GALNT13: variants seen among roughly 807,000 people sequenced by gnomAD.
The protein encoded by GALNT13 is UDP-GalNAc:polypeptide N-acetylgalactosaminyltransferase 13.
In GALNT13, 28 loss-of-function variants were observed where a neutral mutation model predicts 64.2. The ratio of observed to expected loss-of-function variants is 0.44; its 90% CI spans 0.32 to 0.60. The LOEUF (loss-of-function observed/expected upper bound fraction) is 0.60. Ranked by LOEUF, GALNT13 falls within the 20% of genes least tolerant of loss-of-function variation. The probability of loss-of-function intolerance (pLI) is 0.05; values close to 1 mark genes in which losing one functional copy is unlikely to be tolerated. For missense variants in GALNT13, 577 were observed against 669.8 expected, an observed-to-expected ratio of 0.86 and a Z score of 1.53; for synonymous variants, 214 against 224.6, an observed-to-expected ratio of 0.95 and a Z score of 0.42.
chr2:153,406,884 A>G, the GALNT13 span, among the ~76,000 whole-genome samples: 2 of 152,178 alleles, frequency 1.3e-5, no homozygotes, highest in Non-Finnish European at 2.9e-5. Flanking sequence ...AACATTCTAA[A>G]CTGTTTTCAC....
the GALNT13 span, among the ~76,000 whole-genome samples, chr2:153,286,282 T>C: frequency 6.6e-6 from 1 of 152,184 alleles, no homozygotes; most frequent in Non-Finnish European, 1.5e-5. Context: ...AGTTTATACT[T>C]GTTTTTGTTT....
the GALNT13 span, among the ~76,000 whole-genome samples, chr2:153,507,442 A>G: frequency 6.6e-6 from 1 of 151,896 alleles, no homozygotes; most frequent in Non-Finnish European, 1.5e-5. Flanking sequence ...CACGATGCAC[A>G]GCTAAGTTTT....
the GALNT13 span, among the ~76,000 whole-genome samples, chr2:153,280,165 A>G: frequency 6.6e-6 from 1 of 152,142 alleles, no homozygotes; most frequent in African/African-American, 2.4e-5. Flanking sequence ...AGGTATGTAC[A>G]TAATAGTCTC....
chr2:153,123,661 T>C, the GALNT13 span, among the ~76,000 whole-genome samples: 5 of 152,218 alleles, frequency 3.3e-5, no homozygotes, highest in African/African-American at 4.8e-5. Flanking sequence ...CTACATAGGA[T>C]ATAATGATAA....
At chr2:153,262,492 C>T in the GALNT13 span, among the ~76,000 whole-genome samples, 1 of 151,970 alleles carries the variant, frequency 6.6e-6, no homozygotes, top group African/African-American at 2.4e-5. Context: ...AGAAATACAA[C>T]AAAAAAGGAA....
At chr2:153,948,458 A>G (rs1016823078) in intron 3 of GALNT13, among the ~76,000 whole-genome samples, 2 of 152,114 alleles carry the variant, frequency 1.3e-5, no homozygotes, top group Admixed American at 1.3e-4. Flanking sequence ...TTGATTCATC[A>G]GAGACCTAAA....
At chr2:153,756,292 A>G in the GALNT13 span, among the ~76,000 whole-genome samples, 3 of 152,152 alleles carry the variant, frequency 2.0e-5, no homozygotes, top group African/African-American at 7.2e-5. Flanking sequence ...TAGATTAAAA[A>G]GAGAAAAATG....
At chr2:153,592,638 A>G in the GALNT13 span, among the ~76,000 whole-genome samples, 1 of 152,200 alleles carries the variant, frequency 6.6e-6, no homozygotes, top group Non-Finnish European at 1.5e-5. Flanking sequence ...TGGGTGCTAA[A>G]AAATGTACAC....
chr2:154,241,036 A>G (rs545547066), intron 4 of GALNT13, among the ~76,000 whole-genome samples: 5 of 151,968 alleles, frequency 3.3e-5, no homozygotes, highest in African/African-American at 1.2e-4. Context: ...ATCCCTCTCC[A>G]TGTCTAGCCG....
chr2:154,229,479 A>G (rs999696687), intron 4 of GALNT13, among the ~76,000 whole-genome samples: 5 of 152,128 alleles, frequency 3.3e-5, no homozygotes, highest in Non-Finnish European at 7.4e-5. Context: ...TTACACTACC[A>G]TCAGGAATTT....
At chr2:153,542,345 AACAC>A in the GALNT13 span, among the ~76,000 whole-genome samples, 278 of 95,040 alleles carry the variant, frequency 2.9e-3, no homozygotes, top group African/African-American at 0.019. Flanking sequence ...CAAACAAACA[AACAC>A]ACACACACAC....
intron 4 of GALNT13, among the ~76,000 whole-genome samples, chr2:154,152,776 C>T (rs576435324): frequency 1.9e-4 from 29 of 152,340 alleles, no homozygotes; most frequent in African/African-American, 6.5e-4. Flanking sequence ...TGGCTTTCAG[C>T]TCCATCAGCT....
intron 4 of GALNT13, among the ~76,000 whole-genome samples, chr2:154,149,313 C>T (rs2105612895): frequency 6.6e-6 from 1 of 152,300 alleles, no homozygotes; most frequent in African/African-American, 2.4e-5. Flanking sequence ...CAGTACCATG[C>T]TGTTTTCGTT....
At chr2:153,717,426 AT>A in the GALNT13 span, among the ~76,000 whole-genome samples, 4 of 152,192 alleles carry the variant, frequency 2.6e-5, no homozygotes, top group Admixed American at 2.6e-4. Flanking sequence ...CTCTTGCAGG[AT>A]ACCAATTTAT....
intron 11 of GALNT13, among the ~76,000 whole-genome samples, chr2:154,424,533 G>T (rs188984717): frequency 3.3e-5 from 5 of 152,220 alleles, no homozygotes; most frequent in East Asian, 3.9e-4. Flanking sequence ...CCCTCTGGGG[G>T]TCTTTTAACC....
chr2:153,958,626 A>T (rs1692736596), intron 3 of GALNT13, among the ~76,000 whole-genome samples: 1 of 152,182 alleles, frequency 6.6e-6, no homozygotes, highest in Non-Finnish European at 1.5e-5. Context: ...AAGGATCTCT[A>T]CAGAGGGTTT....
intron 8 of GALNT13, among the ~76,000 whole-genome samples, chr2:154,266,878 T>C (rs142538368): frequency 6.6e-6 from 1 of 152,036 alleles, no homozygotes; most frequent in African/African-American, 2.4e-5. Context: ...CATATAGATA[T>C]ACAAGGGATG....
chr2:153,207,730 G>T, the GALNT13 span, among the ~76,000 whole-genome samples: 12 of 152,126 alleles, frequency 7.9e-5, no homozygotes, highest in Non-Finnish European at 1.2e-4. Flanking sequence ...GAGTTTAAAC[G>T]ATGTGTGTCA....
chr2:153,988,099 C>CAT (rs1290385835), intron 3 of GALNT13, among the ~76,000 whole-genome samples: 1 of 148,070 alleles, frequency 6.8e-6, no homozygotes, highest in Non-Finnish European at 1.5e-5. Flanking sequence ...CACACACACA[C>CAT]ATATACAATT....
Sources: gnomAD v4.1 joint callset for allele counts (sites outside exome capture counted in the v4.1 genomes callset) on GRCh38, gnomAD v4.1.1 for gene constraint, MANE v1.5 for transcripts, NCBI Gene and HGNC (gene_info 2026-07-23, HGNC 2026-07-21) for gene names.